The following MROH1 variants were observed in gnomAD, a reference collection of about 807,000 sequenced individuals.
MROH1 encodes maestro heat like repeat family member 1.
MROH1 carries 117 observed loss-of-function variants against 116.5 expected under a neutral mutation model. That is an observed-to-expected ratio of 1.00 (90% confidence interval 0.86 to 1.17). The LOEUF (loss-of-function observed/expected upper bound fraction) is 1.17. Among genes scored for constraint, MROH1 ranks in the 50% most tolerant of loss-of-function variants. The probability of loss-of-function intolerance (pLI) is 0.00; values close to 1 mark genes in which losing one functional copy is unlikely to be tolerated. For missense variants in MROH1, 1,873 were observed against 1,338.5 expected (o/e 1.40, Z -6.23); for synonymous variants, 921 against 583.9 (o/e 1.58, Z -8.32).
At chr8:144,244,944 G>T (rs1025503104) in intron 28 of MROH1, among the ~76,000 whole-genome samples, 2 of 152,200 alleles carry the variant, frequency 1.3e-5, no homozygotes, top group Non-Finnish European at 2.9e-5. Flanking sequence ...ACCTGGGCTG[G>T]GTTGTGTCTG....
At chr8:144,208,868 C>T (rs1833445083) in intron 12 of MROH1, among the ~76,000 whole-genome samples, 2 of 152,140 alleles carry the variant, frequency 1.3e-5, no homozygotes, top group Admixed American at 1.3e-4. Flanking sequence ...GGATTACAGG[C>T]ATGCACCACC....
rs373918731 is a variant in MROH1 at position 144,179,451 on chromosome 8, G to A, written c.169-4G>A. On this transcript the variant is annotated splice_polypyrimidine_tract_variant and splice_region_variant and intron_variant, in intron 4 of 43. Coordinates refer to ENST00000326134, the MANE Select transcript of MROH1 (RefSeq NM_032450.3). ...GGACCGACCTGGACGGTGTCTCTCC[G>A]CAGCTGGCACACCCATACCGAGCAG... is the stretch of plus-strand genomic sequence containing the variant. 10 of 1,613,014 alleles carry A rather than the reference G, an allele frequency of 6.2e-6. No individual in the cohort carries two copies. The highest frequency in any genetic ancestry group is 2.7e-5 in the African/African-American group (2 of 74,884).
chr8:144,248,565 G>T (rs1333195722), intron 31 of MROH1, among the ~76,000 whole-genome samples: 1 of 152,182 alleles, frequency 6.6e-6, no homozygotes, highest in Non-Finnish European at 1.5e-5. Flanking sequence ...GCACCACAGG[G>T]CTGCTCCCAG....
chr8:144,210,142 TA>T (rs1833778074), intron 12 of MROH1, among the ~76,000 whole-genome samples: 1 of 151,940 alleles, frequency 6.6e-6, no homozygotes, highest in South Asian at 2.1e-4. Context: ...GTGTCCACTT[TA>T]AAAGCCTACC....
At chr8:144,215,299 A>G (rs1258912042) in intron 12 of MROH1, among the ~76,000 whole-genome samples, 1 of 152,248 alleles carries the variant, frequency 6.6e-6, no homozygotes, top group East Asian at 1.9e-4. Context: ...GAACACTGAC[A>G]TCATGATGAA....
At chr8:144,170,225 C>T (rs992529638) in intron 4 of MROH1, among the ~76,000 whole-genome samples, 3 of 152,184 alleles carry the variant, frequency 2.0e-5, no homozygotes, top group Admixed American at 6.5e-5. Flanking sequence ...CCTGAGCCTC[C>T]GTTCTGGGGT....
chr8:144,243,621 G>GCGTGGC lies in MROH1; in HGVS notation c.2475+13_2475+18dup, dbSNP rs1841388540. On this transcript the variant is annotated splice_donor_region_variant and intron_variant, in intron 25 of 43. Coordinates refer to ENST00000326134, the MANE Select transcript of MROH1 (RefSeq NM_032450.3). ...GAGCTGGTGGCACAGATGATGGTGAGCGTGGCCGTGGCCTGGCAGGTCCTC... is the reference window on the plus strand; with the variant it reads ...GAGCTGGTGGCACAGATGATGGTGAGCGTGGCCGTGGCCGTGGCCTGGCAGGTCCTC... 1.3e-6 allele frequency: 1 copy of GCGTGGC among 778,996 alleles called. No individual in the cohort carries two copies. Among genetic ancestry groups the GCGTGGC allele is most frequent in the East Asian group, 2.4e-5 (1 of 41,260 alleles). The allele number at this position is 778,996 out of a possible 1,614,324, so 48.3% of individuals were successfully genotyped here. A position where few individuals can be genotyped will look rare whatever the true frequency, so the allele number is the denominator to read the frequency against.
Position 144,254,802 on chromosome 8 carries a change from C to T in MROH1, c.3429-11C>T. ...CCACGGCCTCAAAGTGACTCTCCTG[C>T]TCTGCTCCAGCCACACCTGCATGCT... On this transcript the variant is annotated splice_polypyrimidine_tract_variant and intron_variant, in intron 33 of 43. Coordinates refer to ENST00000326134, the MANE Select transcript of MROH1 (RefSeq NM_032450.3). 1 of 775,144 alleles carries T rather than the reference C, an allele frequency of 1.3e-6. No homozygotes were observed. The highest frequency in any genetic ancestry group is 1.3e-5 in the South Asian group (1 of 74,450). 48.0% of individuals were successfully genotyped at this position (775,144 alleles called of 1,614,324 possible).
intron 12 of MROH1, among the ~76,000 whole-genome samples, chr8:144,212,613 A>G (rs1773717215): frequency 3.2e-5 from 2 of 62,312 alleles, no homozygotes; most frequent in Non-Finnish European, 2.9e-5. Context: ...TTTTTTTGAG[A>G]CAGTCTTGCT....
chr8:144,249,529 A>G (rs1290448033), intron 32 of MROH1, among the ~76,000 whole-genome samples: 1 of 152,122 alleles, frequency 6.6e-6, no homozygotes, highest in Non-Finnish European at 1.5e-5. Flanking sequence ...AATACCCATC[A>G]TGAGCAGGGA....
chr8:144,179,537 C>T lies in MROH1; in HGVS notation c.251C>T (p.Thr84Ile), dbSNP rs764518993. Residue 84 changes from threonine (T) to isoleucine (I), a missense_variant, in exon 5 of 44, where the codon ACA (threonine) becomes ATA (isoleucine). Physicochemically the swap from Thr to Ile is moderately conservative, Grantham distance 89. Transcript: ENST00000326134. ...CGCGCCAGTGAGCTGGACAAGGACA[C>T]AGCCAGCACCATCATCCTCCTGGCC... The part of the protein sequence containing the change: ...SSRASELDKD[T>I]ASTIILLASS... The T allele has an allele frequency of 6.2e-7, 1 of 1,613,410 alleles. No homozygotes were observed. The highest frequency in any genetic ancestry group is 8.5e-7 in the Non-Finnish European group (1 of 1,179,764).
chr8:144,168,939 C>T (rs1296805142), intron 4 of MROH1, among the ~76,000 whole-genome samples: 2 of 152,226 alleles, frequency 1.3e-5, no homozygotes, highest in Middle Eastern at 3.2e-3. Flanking sequence ...AATGTCCTGT[C>T]CTCCCACTCA....
chr8:144,247,546 C>T, intron 30 of MROH1, 21 bp from the exon 31 acceptor site: 1 of 768,176 alleles, frequency 1.3e-6, no homozygotes, highest in Non-Finnish European at 2.4e-6. Context: ...GGCCCGACTG[C>T]TCATTCCTGC....
intron 20 of MROH1, 64 bp downstream of exon 20, chr8:144,240,741 G>A (rs1840834506): frequency 8.5e-6 from 6 of 704,454 alleles, no homozygotes; most frequent in Non-Finnish European, 1.6e-5. Context: ...TCTCGTGTCT[G>A]TCACTTGCTG....
chr8:144,205,154 T>C (rs1205614881), intron 12 of MROH1, among the ~76,000 whole-genome samples: 5 of 152,176 alleles, frequency 3.3e-5, no homozygotes, highest in East Asian at 1.9e-4. Context: ...CCTCCCAAAG[T>C]ACTGGGATTA....
At chr8:144,256,697 T>C (rs1843890549) in intron 35 of MROH1, among the ~76,000 whole-genome samples, 1 of 152,226 alleles carries the variant, frequency 6.6e-6, no homozygotes. Flanking sequence ...GAGCCTGGTG[T>C]ACAGGCCGTT....
intron 7 of MROH1, among the ~76,000 whole-genome samples, chr8:144,187,671 T>G (rs1214228199): frequency 1.3e-5 from 2 of 152,330 alleles, no homozygotes; most frequent in South Asian, 2.1e-4. Flanking sequence ...GAGCTTCTGA[T>G]GAGAGTCCCG....
rs192045669 is a variant in MROH1 at position 144,205,551 on chromosome 8, G to A, written c.1141+5010G>A. 4.6e-5 allele frequency among the ~76,000 whole-genome samples: 7 copies of A among 151,504 alleles called. No homozygotes were observed. In the East Asian group the frequency reaches 1.4e-3, roughly 29 times the overall value. ...ACACACACACACGCATGCATGCCAG[G>A]ATTACAGGCTGTTTTATATCTTAAA... is the stretch of plus-strand genomic sequence containing the variant. On this transcript the variant is annotated intron_variant, in intron 12 of 43. Coordinates refer to ENST00000326134, the MANE Select transcript of MROH1 (RefSeq NM_032450.3).
intron 14 of MROH1, among the ~76,000 whole-genome samples, chr8:144,226,039 C>CA: frequency 6.7e-6 from 1 of 149,470 alleles, no homozygotes; most frequent in Non-Finnish European, 1.5e-5. Flanking sequence ...CTCAGCCTCC[C>CA]GGGTAGCTGG....
Sources: gnomAD v4.1 joint callset for allele counts (sites outside exome capture counted in the v4.1 genomes callset) on GRCh38, gnomAD v4.1.1 for gene constraint, MANE v1.5 for transcripts, NCBI Gene and HGNC (gene_info 2026-07-23, HGNC 2026-07-21) for gene names.